The following ZNF138 variants were observed in gnomAD, a reference collection of about 807,000 sequenced individuals.
ZNF138 encodes zinc finger protein 138 (clone pHZ-32).
ZNF138 carries 33 observed loss-of-function variants against 33.0 expected under a neutral mutation model. The observed-to-expected ratio is 1.00, with a 90% CI of 0.76 to 1.34. The LOEUF (loss-of-function observed/expected upper bound fraction) is 1.34. Among genes scored for constraint, ZNF138 ranks in the 40% most tolerant of loss-of-function variants. The pLI, the probability that ZNF138 is intolerant of heterozygous loss-of-function variation, is 0.00. For synonymous variants in ZNF138, 139 were observed against 120.4 expected, an observed-to-expected ratio of 1.15 and a Z score of -1.01; for missense variants, 360 against 370.8, an observed-to-expected ratio of 0.97 and a Z score of 0.24.
chr7:64,849,263 G>T, the ZNF138 span, among the ~76,000 whole-genome samples: 1 of 152,146 alleles, frequency 6.6e-6, no homozygotes, highest in African/African-American at 2.4e-5. Flanking sequence ...TGGTACTGGG[G>T]GTTGTCTGCA....
At chr7:64,830,923 TC>T (rs1345831655) in intron 3 of ZNF138, 1 of 1,548,380 alleles carries the variant, frequency 6.5e-7, no homozygotes, top group South Asian at 1.2e-5. Context: ...CTACAACTGT[TC>T]CCTGTCTCTT....
intron 3 of ZNF138, among the ~76,000 whole-genome samples, chr7:64,825,334 G>A (rs1022157304): frequency 1.6e-4 from 24 of 150,204 alleles, no homozygotes; most frequent in East Asian, 1.4e-3. Context: ...CAACAGGGCC[G>A]GCTAATTTTT....
At chr7:64,814,413 G>T (rs1420982577) in intron 1 of ZNF138, among the ~76,000 whole-genome samples, 3 of 152,098 alleles carry the variant, frequency 2.0e-5, no homozygotes, top group Non-Finnish European at 2.9e-5. Flanking sequence ...TGATTCTGTG[G>T]ATCTTATGCC....
rs562278294 is a variant in ZNF138 at position 64,807,775 on chromosome 7, G to A, written c.4-7143G>A. ...CTTTGAGCTTTTCAGATCTTGTTCA[G>A]TGATCTGCTACAGTAATGTAAGATG... is the stretch of plus-strand genomic sequence containing the variant. On this transcript the variant is annotated intron_variant, in intron 1 of 3. Transcript: ENST00000307355. Among the ~76,000 whole-genome samples, 4 of 152,312 alleles carry A rather than the reference G, an allele frequency of 2.6e-5. No homozygotes were observed. The South Asian group carries it at 8.3e-4, about 32-fold the overall frequency.
the ZNF138 span, among the ~76,000 whole-genome samples, chr7:64,853,666 A>G: frequency 1.3e-5 from 2 of 151,298 alleles, no homozygotes; most frequent in Admixed American, 6.6e-5. Context: ...TGTGTTATAA[A>G]AGGGCATTCC....
At chr7:64,801,108 A>G (rs761630859) in intron 1 of ZNF138, among the ~76,000 whole-genome samples, 1 of 151,950 alleles carries the variant, frequency 6.6e-6, no homozygotes, top group Non-Finnish European at 1.5e-5. Flanking sequence ...TAATTTTTTT[A>G]ATAGATTTAA....
chr7:64,830,671 G>T (rs1790008889), intron 3 of ZNF138, among the ~76,000 whole-genome samples: 1 of 151,846 alleles, frequency 6.6e-6, no homozygotes, highest in Non-Finnish European at 1.5e-5. Flanking sequence ...TATAATAATT[G>T]ATAGGGCTAT....
At chr7:64,817,018 C>A (rs4718120) in intron 3 of ZNF138, among the ~76,000 whole-genome samples, 150,118 of 152,320 alleles carry the variant, frequency 0.99, 74,011 homozygotes, top group East Asian at 1. Flanking sequence ...TGTAGGGCAG[C>A]CACTAGGGCA....
downstream of ZNF138, chr7:64,836,328 T>C (rs1790364068): frequency 6.6e-6 from 1 of 152,192 alleles, no homozygotes; most frequent in African/African-American, 2.4e-5. Flanking sequence ...GGAGCAATTG[T>C]GCACCTTCTG....
intron 3 of ZNF138, among the ~76,000 whole-genome samples, chr7:64,819,379 AT>A (rs1788929270): frequency 9.4e-6 from 1 of 106,946 alleles, no homozygotes. Flanking sequence ...TTTTTTTTCC[AT>A]TTTTGGAGAT....
chr7:64,796,897 G>T (rs1306245071), intron 1 of ZNF138, among the ~76,000 whole-genome samples: 1 of 152,070 alleles, frequency 6.6e-6, no homozygotes, highest in African/African-American at 2.4e-5. Flanking sequence ...ACAAAAATTA[G>T]AAATTAGCCA....
chr7:64,807,976 A>C (rs1787748502), intron 1 of ZNF138, among the ~76,000 whole-genome samples: 1 of 152,210 alleles, frequency 6.6e-6, no homozygotes, highest in Non-Finnish European at 1.5e-5. Context: ...CTAGCCAATC[A>C]AGACAGGTGA....
At chr7:64,815,268 C>G (rs911945702) in intron 2 of ZNF138, among the ~76,000 whole-genome samples, 2 of 152,066 alleles carry the variant, frequency 1.3e-5, no homozygotes, top group Admixed American at 1.3e-4. Flanking sequence ...GTATCCTTCA[C>G]TCTAGATTAG....
chr7:64,794,438 AGCGGGTGCT>A lies in ZNF138; in HGVS notation c.-128_-120del. ...GGCGGCGGGGTCTTTGTCTCGCTGC[AGCGGGTGCT>A]GCAGGTCTGGCCTTCACTTTTCTGC... is the stretch of plus-strand genomic sequence containing the variant. On this transcript the variant is annotated 5_prime_UTR_variant, in exon 1 of 4. Coordinates refer to ENST00000307355, the MANE Select transcript of ZNF138 (RefSeq NM_001271639.2). 7.3e-7 allele frequency: 1 copy of A among 1,373,302 alleles called. No homozygotes were observed. Among genetic ancestry groups the A allele is most frequent in the Non-Finnish European group, 1.0e-6 (1 of 977,768 alleles). The allele number at this position is 1,373,302 out of a possible 1,614,324, so 85.1% of individuals were successfully genotyped here.
chr7:64,852,667 T>C, the ZNF138 span: 4 of 1,369,512 alleles, frequency 2.9e-6, no homozygotes, highest in Middle Eastern at 1.8e-4. Flanking sequence ...GCTCTACATC[T>C]TCTTGGGTGA....
intron 1 of ZNF138, among the ~76,000 whole-genome samples, chr7:64,805,167 G>C (rs1787475051): frequency 6.6e-6 from 1 of 152,144 alleles, no homozygotes. Flanking sequence ...GGGAGGCCGA[G>C]GTGGGTGGAT....
chr7:64,844,101 G>C, the ZNF138 span, among the ~76,000 whole-genome samples: 6 of 152,192 alleles, frequency 3.9e-5, no homozygotes, highest in African/African-American at 1.4e-4. Context: ...GGGATTACAG[G>C]CCTGAGCCAC....
intron 3 of ZNF138, among the ~76,000 whole-genome samples, chr7:64,830,706 T>C (rs1212547523): frequency 6.6e-6 from 1 of 152,180 alleles, no homozygotes; most frequent in Non-Finnish European, 1.5e-5. Context: ...TTGTATACAT[T>C]GTAATCTTCA....
At chr7:64,806,829 T>A (rs994072352) in intron 1 of ZNF138, among the ~76,000 whole-genome samples, 8 of 152,246 alleles carry the variant, frequency 5.3e-5, no homozygotes, top group African/African-American at 1.9e-4. Context: ...TAAGAATTTC[T>A]GGCAACCTTT....
Sources: gnomAD v4.1 joint callset for allele counts (sites outside exome capture counted in the v4.1 genomes callset) on GRCh38, gnomAD v4.1.1 for gene constraint, MANE v1.5 for transcripts, NCBI Gene and HGNC (gene_info 2026-07-23, HGNC 2026-07-21) for gene names.